NLGN1: variants seen among roughly 807,000 people sequenced by gnomAD.
NLGN1 encodes neuroligin 1, also known as neuroligin-1.
NLGN1 carries 12 observed loss-of-function variants against 65.5 expected under a neutral mutation model. The ratio of observed to expected loss-of-function variants is 0.18; its 90% confidence interval spans 0.12 to 0.30. The LOEUF is 0.30. NLGN1 is among the 10% of genes least tolerant of loss of function. NLGN1 has a pLI of 1.00. For missense variants in NLGN1, 750 were observed against 1,007.1 expected (o/e 0.74, Z 3.46); for synonymous variants, 350 against 359.5 (o/e 0.97, Z 0.30).
At chr3:174,088,517 G>T (rs1465964719) in intron 4 of NLGN1, among the ~76,000 whole-genome samples, 4 of 152,072 alleles carry the variant, frequency 2.6e-5, no homozygotes, top group African/African-American at 9.7e-5. Flanking sequence ...AGCACTTTGG[G>T]AGGCTGAGGC....
intron 3 of NLGN1, among the ~76,000 whole-genome samples, chr3:173,792,229 C>G (rs1031380444): frequency 6.6e-6 from 1 of 152,152 alleles, no homozygotes; most frequent in Non-Finnish European, 1.5e-5. Flanking sequence ...TCAGAGAGCT[C>G]ATCCTTCACT....
At chr3:174,036,581 G>GTT (rs1408148139) in intron 4 of NLGN1, among the ~76,000 whole-genome samples, 6 of 58,940 alleles carry the variant, frequency 1.0e-4, no homozygotes, top group Admixed American at 5.3e-4. Context: ...TAGGTTTTTT[G>GTT]TTGTTTTTTT....
intron 4 of NLGN1, among the ~76,000 whole-genome samples, chr3:174,133,064 T>C (rs1029404492): frequency 6.6e-6 from 1 of 152,224 alleles, no homozygotes; most frequent in Non-Finnish European, 1.5e-5. Flanking sequence ...CATCTCTCTA[T>C]AGTGCCTTTT....
intron 4 of NLGN1, among the ~76,000 whole-genome samples, chr3:173,885,316 A>T (rs932239161): frequency 6.6e-6 from 1 of 151,922 alleles, no homozygotes; most frequent in Non-Finnish European, 1.5e-5. Flanking sequence ...CAAACATATG[A>T]TATCTGCCTA....
chr3:174,279,399 G>C lies in NLGN1; in HGVS notation c.1398G>C (p.Val466=). 6.2e-7 allele frequency: 1 copy of C among 1,613,288 alleles called. No individual in the cohort carries two copies. The highest frequency in any genetic ancestry group is 1.3e-5 in the African/African-American group (1 of 74,962). Reference sequence around the variant, plus strand: ...CTTTGTTTACGGACCATCAGTGGGTGGCACCAGCTGTAGCCACAGCGGATC... The same window carrying C: ...CTTTGTTTACGGACCATCAGTGGGTCGCACCAGCTGTAGCCACAGCGGATC... The change falls in exon 6 of 7, where the codon GTG becomes GTC. Residue 466 remains valine, a synonymous_variant. Coordinates refer to ENST00000457714, the Ensembl canonical transcript of NLGN1. The surrounding 1 kb of genome is among the most constrained non-coding windows in gnomAD (Gnocchi z 4.7).
intron 4 of NLGN1, among the ~76,000 whole-genome samples, chr3:174,120,516 AT>A (rs1306848126): frequency 6.6e-6 from 1 of 151,064 alleles, no homozygotes; most frequent in East Asian, 2.0e-4. Context: ...CAAAAAAAAA[AT>A]AAAAATAAAA....
chr3:173,932,003 T>G (rs1040109210), intron 4 of NLGN1, among the ~76,000 whole-genome samples: 2 of 152,064 alleles, frequency 1.3e-5, no homozygotes, highest in Non-Finnish European at 2.9e-5. Context: ...TTTTGTTTTG[T>G]TTTAATTTTT....
At chr3:173,926,433 A>G (rs886698293) in intron 4 of NLGN1, among the ~76,000 whole-genome samples, 1 of 152,178 alleles carries the variant, frequency 6.6e-6, no homozygotes, top group Non-Finnish European at 1.5e-5. Context: ...ATAGAGAATC[A>G]AGTTCACCTA....
At chr3:173,559,107 G>T (rs1054731911) in intron 2 of NLGN1, among the ~76,000 whole-genome samples, 10 of 152,068 alleles carry the variant, frequency 6.6e-5, no homozygotes, top group Non-Finnish European at 1.2e-4. Context: ...GAAGTCATTG[G>T]GCTGAAGTTT....
intron 4 of NLGN1, among the ~76,000 whole-genome samples, chr3:174,129,727 T>A (rs1231157745): frequency 1.3e-5 from 2 of 152,178 alleles, no homozygotes; most frequent in African/African-American, 4.8e-5. Context: ...GAAGGGAAAT[T>A]TGTATTTAAT....
intron 3 of NLGN1, among the ~76,000 whole-genome samples, chr3:173,731,189 G>T (rs1772786433): frequency 6.6e-6 from 1 of 152,012 alleles, no homozygotes; most frequent in Non-Finnish European, 1.5e-5. Flanking sequence ...GATTTTTAAA[G>T]GAAATAGGTT....
intron 3 of NLGN1, among the ~76,000 whole-genome samples, chr3:173,755,630 C>T (rs1776984429): frequency 2.6e-5 from 4 of 152,112 alleles, no homozygotes; most frequent in Admixed American, 2.6e-4. Flanking sequence ...GGTTGGAGTT[C>T]ATTCCTCAAA....
intron 2 of NLGN1, among the ~76,000 whole-genome samples, chr3:173,548,372 CTT>C (rs376374656): frequency 1.1e-3 from 166 of 152,162 alleles, no homozygotes; most frequent in African/African-American, 3.8e-3. Context: ...ATCAGCCAGA[CTT>C]TTAAATCGTG....
chr3:173,495,621 G>A (rs1729881305), intron 2 of NLGN1, among the ~76,000 whole-genome samples: 1 of 145,196 alleles, frequency 6.9e-6, no homozygotes, highest in African/African-American at 2.6e-5. Flanking sequence ...GCATTTTCTA[G>A]CACCTTTATC....
At chr3:173,629,093 CTT>C (rs946510201) in intron 3 of NLGN1, among the ~76,000 whole-genome samples, 18 of 145,090 alleles carry the variant, frequency 1.2e-4, no homozygotes, top group African/African-American at 3.8e-4. Context: ...TCATCCTTTC[CTT>C]TTTTTTTTTT....
intron 3 of NLGN1, among the ~76,000 whole-genome samples, chr3:173,747,801 C>CTTCTTCTTTTTTTTTTTTTTTTTTT (rs1775714048): frequency 3.1e-5 from 2 of 64,420 alleles, no homozygotes; most frequent in African/African-American, 1.2e-4. Context: ...TCTTCTTGTT[C>CTTCTTCTTTTTTTTTTTTTTTTTTT]TTTTTTTTTT....
chr3:174,019,954 A>G (rs1307968305), intron 4 of NLGN1, among the ~76,000 whole-genome samples: 1 of 152,140 alleles, frequency 6.6e-6, no homozygotes, highest in East Asian at 1.9e-4. Flanking sequence ...ACAGTATTCA[A>G]TGACTTGCTC....
chr3:174,236,605 T>C (rs1741763488), intron 4 of NLGN1, among the ~76,000 whole-genome samples: 1 of 152,134 alleles, frequency 6.6e-6, no homozygotes, highest in South Asian at 2.1e-4. Context: ...TCTTAGTGCT[T>C]GCTTTGAGTC....
At chr3:174,121,530 G>A (rs1717776498) in intron 4 of NLGN1, among the ~76,000 whole-genome samples, 1 of 152,164 alleles carries the variant, frequency 6.6e-6, no homozygotes, top group Non-Finnish European at 1.5e-5. Flanking sequence ...TCTGGCTTGA[G>A]CTTCAAGTAG....
Sources: allele counts gnomAD v4.1 joint callset (sites outside exome capture counted in the v4.1 genomes callset), GRCh38; gene constraint gnomAD v4.1.1; non-coding constraint Gnocchi (gnomAD v3.1); transcripts MANE v1.5; gene names NCBI Gene and HGNC (gene_info 2026-07-23, HGNC 2026-07-21).